Variants in ARHGEF28 observed in about 807,000 individuals in gnomAD.
ARHGEF28 encodes the protein Rho guanine nucleotide exchange factor 28.
In ARHGEF28, 152 loss-of-function variants were observed where a neutral mutation model predicts 206.6. That is an observed-to-expected ratio of 0.74 (90% CI 0.64 to 0.84). The LOEUF is 0.84. Among genes scored for constraint, ARHGEF28 ranks in the 40% least tolerant of loss-of-function variants. The probability of loss-of-function intolerance (pLI) is 0.00; values close to 1 mark genes in which losing one functional copy is unlikely to be tolerated. For missense variants in ARHGEF28, 2,028 were observed against 2,073.2 expected (o/e 0.98, Z 0.42); for synonymous variants, 763 against 776.4 (o/e 0.98, Z 0.29).
chr5:73,927,311 CA>C, intron 35 of ARHGEF28, among the ~76,000 whole-genome samples: 1 of 152,150 alleles, frequency 6.6e-6, no homozygotes, highest in East Asian at 1.9e-4. Flanking sequence ...TGGGAGGCTG[CA>C]GTAAGCTGTG....
intron 9 of ARHGEF28, among the ~76,000 whole-genome samples, chr5:73,828,722 TTCTC>T (rs1757087873): frequency 6.6e-6 from 1 of 151,834 alleles, no homozygotes; most frequent in Non-Finnish European, 1.5e-5. Flanking sequence ...TTCTCTTTCT[TTCTC>T]TCTGTCTTTC....
intron 2 of ARHGEF28, among the ~76,000 whole-genome samples, chr5:73,697,086 A>G (rs1748262637): frequency 6.6e-6 from 1 of 152,256 alleles, no homozygotes; most frequent in South Asian, 2.1e-4. Context: ...ATATGTAAAC[A>G]TTATGCAATA....
intron 4 of ARHGEF28, among the ~76,000 whole-genome samples, chr5:73,758,315 T>C (rs1752421221): frequency 1.3e-5 from 2 of 152,220 alleles, no homozygotes; most frequent in Admixed American, 1.3e-4. Flanking sequence ...TAAAGAATAT[T>C]TCTCACATAT....
chr5:73,937,007 T>C (rs909019029), intron 35 of ARHGEF28, among the ~76,000 whole-genome samples: 2 of 152,240 alleles, frequency 1.3e-5, no homozygotes, highest in Non-Finnish European at 2.9e-5. Context: ...CTGATTTCTC[T>C]TCACTGTTAG....
At chr5:73,638,058 G>T (rs182163526) in intron 1 of ARHGEF28, among the ~76,000 whole-genome samples, 3 of 152,172 alleles carry the variant, frequency 2.0e-5, no homozygotes, top group Admixed American at 6.5e-5. Context: ...TCTGTAATTG[G>T]AGTGATTATC....
chr5:73,795,829 G>A (rs974523392), intron 9 of ARHGEF28, among the ~76,000 whole-genome samples: 1 of 125,954 alleles, frequency 7.9e-6, no homozygotes, highest in Admixed American at 7.6e-5. Context: ...TGCCCAGTGG[G>A]GTCCCCTTGG....
intron 3 of ARHGEF28, among the ~76,000 whole-genome samples, chr5:73,751,163 A>G (rs1011956683): frequency 1.3e-5 from 2 of 152,240 alleles, no homozygotes; most frequent in Admixed American, 6.5e-5. Context: ...TAATCCCAGC[A>G]CTACGGGAGG....
intron 24 of ARHGEF28, 47 bp from the exon 25 acceptor site, chr5:73,885,803 G>T: frequency 6.4e-7 from 1 of 1,551,968 alleles, no homozygotes; most frequent in Non-Finnish European, 8.7e-7. Context: ...TAGTACTCTG[G>T]TTTATTGTAT....
At chr5:73,644,186 C>G (rs997938981) in intron 1 of ARHGEF28, among the ~76,000 whole-genome samples, 4 of 144,642 alleles carry the variant, frequency 2.8e-5, no homozygotes, top group East Asian at 4.1e-4. Flanking sequence ...TGTGCCACTG[C>G]TAGGACCACT....
chr5:73,889,735 A>G (rs1761513930), intron 26 of ARHGEF28, among the ~76,000 whole-genome samples: 1 of 152,232 alleles, frequency 6.6e-6, no homozygotes, highest in Non-Finnish European at 1.5e-5. Context: ...TTGGGCAGAA[A>G]TGTGATTGAG....
chr5:73,826,448 G>A (rs557899684), intron 9 of ARHGEF28, among the ~76,000 whole-genome samples: 6 of 152,322 alleles, frequency 3.9e-5, no homozygotes, highest in Middle Eastern at 3.4e-3. Flanking sequence ...TGACTTTCGC[G>A]CTCTGGCATC....
intron 7 of ARHGEF28, among the ~76,000 whole-genome samples, chr5:73,782,084 G>A (rs910328341): frequency 2.0e-5 from 3 of 150,426 alleles, no homozygotes; most frequent in African/African-American, 7.3e-5. Flanking sequence ...TTGGATTCTA[G>A]GTATTTGTCA....
At chr5:73,913,136 C>G (rs954354333) in intron 35 of ARHGEF28, among the ~76,000 whole-genome samples, 1 of 152,080 alleles carries the variant, frequency 6.6e-6, no homozygotes. Flanking sequence ...GAATTAGAGC[C>G]AAAGGAAATG....
intron 9 of ARHGEF28, among the ~76,000 whole-genome samples, chr5:73,820,091 G>A (rs1196684257): frequency 6.6e-6 from 1 of 152,136 alleles, no homozygotes; most frequent in Non-Finnish European, 1.5e-5. Flanking sequence ...AGTGAATATT[G>A]AAAGTGCCTC....
intron 9 of ARHGEF28, among the ~76,000 whole-genome samples, chr5:73,831,673 A>G (rs138408778): frequency 0.026 from 3,943 of 152,312 alleles, 89 homozygotes; most frequent in Non-Finnish European, 0.038. Context: ...TTAGTTATCA[A>G]TAAAGGGAAA....
intron 1 of ARHGEF28, among the ~76,000 whole-genome samples, chr5:73,649,140 T>G (rs188651303): frequency 6.6e-6 from 1 of 152,362 alleles, no homozygotes; most frequent in Non-Finnish European, 1.5e-5. Flanking sequence ...GTAGCTTGCC[T>G]AGAGTCATAA....
intron 9 of ARHGEF28, among the ~76,000 whole-genome samples, chr5:73,815,243 C>T (rs1165054667): frequency 2.0e-5 from 3 of 149,288 alleles, no homozygotes; most frequent in South Asian, 2.1e-4. Flanking sequence ...AAAACAAGCT[C>T]GTACACAAAT....
intron 11 of ARHGEF28, among the ~76,000 whole-genome samples, chr5:73,844,437 ATACCTGTAATTATTAG>A (rs1758176574): frequency 1.3e-5 from 2 of 152,150 alleles, no homozygotes; most frequent in Admixed American, 1.3e-4. Context: ...GCAACTTGAA[ATACCTGTAATTATTAG>A]ATTAGTTCAA....
intron 2 of ARHGEF28, among the ~76,000 whole-genome samples, chr5:73,717,281 C>A (rs1324628972): frequency 3.3e-5 from 5 of 152,034 alleles, no homozygotes; most frequent in Admixed American, 3.3e-4. Flanking sequence ...GGCCTATTTG[C>A]CCCCTCTTCC....
Sources: allele counts gnomAD v4.1 joint callset (sites outside exome capture counted in the v4.1 genomes callset), GRCh38; gene constraint gnomAD v4.1.1; transcripts MANE v1.5; gene names NCBI Gene and HGNC (gene_info 2026-07-23, HGNC 2026-07-21).